Variants in APOC1 observed in about 807,000 individuals in gnomAD.
APOC1 encodes apolipoprotein C1.
A neutral mutation model predicts 6.7 loss-of-function variants in APOC1; 4 were observed. That is an observed-to-expected ratio of 0.60 (90% CI 0.29 to 1.37). APOC1 has a LOEUF of 1.37. Among genes scored for constraint, APOC1 ranks in the 40% most tolerant of loss-of-function variants. The pLI, the probability that APOC1 is intolerant of heterozygous loss-of-function variation, is 0.09. For synonymous variants in APOC1, 33 were observed against 40.6 expected (o/e 0.81, Z 0.72); for missense variants, 122 against 99.4 (o/e 1.23, Z -0.97).
At chr19:44,918,911 G>C (rs1426378731) in intron 3 of APOC1, 3 of 482,544 alleles carry the variant, frequency 6.2e-6, no homozygotes, top group Admixed American at 3.7e-5. Context: ...AGCCTACCTC[G>C]GCCTCCCAAA....
intron 3 of APOC1, among the ~76,000 whole-genome samples, chr19:44,917,435 G>C (rs1970028826): frequency 6.6e-6 from 1 of 151,678 alleles, no homozygotes; most frequent in Admixed American, 6.6e-5. Flanking sequence ...AAAATTAGCT[G>C]GGCATGGTGG....
In APOC1 at chr19:44,916,373, T is replaced by G. The variant is rs761770416; in HGVS notation, c.194+48T>G. ...GGGAGAGCTGGGGTGTGTTTTTGGGTGGAGCCCTGGCAGATGGTCCAAGAT... is the reference window on the plus strand; with the variant it reads ...GGGAGAGCTGGGGTGTGTTTTTGGGGGGAGCCCTGGCAGATGGTCCAAGAT... On this transcript the variant is annotated intron_variant, in intron 3 of 3. Coordinates refer to ENST00000592535, the MANE Select transcript of APOC1 (RefSeq NM_001645.5). 1.9e-6 allele frequency: 3 copies of G among 1,607,390 alleles called. No homozygotes were observed. The South Asian group carries it at 3.3e-5, about 18-fold the overall frequency.
rs759317357 is a variant in APOC1 at position 44,919,259 on chromosome 19, G to A, written c.*29G>A. On this transcript the variant is annotated 3_prime_UTR_variant, in exon 4 of 4. Transcript: ENST00000592535. Reference sequence around the variant, plus strand: ...CCTGAAGGGTGACATCCCAGGAGGGGCCTCTGAAATTTCCCACACCCCAGC... The same window carrying A: ...CCTGAAGGGTGACATCCCAGGAGGGACCTCTGAAATTTCCCACACCCCAGC... 2.2e-5 allele frequency: 35 copies of A among 1,608,484 alleles called. No individual in the cohort carries two copies. In the African/African-American group the frequency reaches 2.4e-4, roughly 11 times the overall value.
intron 2 of APOC1, among the ~76,000 whole-genome samples, chr19:44,915,841 C>T (rs988885601): frequency 1.4e-4 from 21 of 151,990 alleles, no homozygotes; most frequent in Non-Finnish European, 2.9e-4. Flanking sequence ...TGGAGGCACG[C>T]GCCTGTAGGC....
chr19:44,916,468 A>C, intron 3 of APOC1, 143 bp downstream of exon 3: 603 of 1,064,420 alleles, frequency 5.7e-4, no homozygotes, highest in Non-Finnish European at 7.4e-4. Context: ...GCTAGATCTC[A>C]AGGTGCTCAG....
Position 44,916,417 on chromosome 19 carries a change from A to AG in APOC1, c.194+92_194+93insG, listed in dbSNP as rs1481030445. ...CCAAGATGAACAGATTGAAAAAAAA[A>AG]CAAGTCCTGGAGAGGCTGACAACAT... On this transcript the variant is annotated intron_variant, in intron 3 of 3. Coordinates refer to ENST00000592535, the MANE Select transcript of APOC1 (RefSeq NM_001645.5). 5 of 1,551,616 alleles carry AG rather than the reference A, an allele frequency of 3.2e-6. No individual in the cohort carries two copies. In the East Asian group the frequency reaches 9.1e-5, roughly 28 times the overall value.
At chr19:44,915,695 G>A (rs1213339158) in intron 2 of APOC1, among the ~76,000 whole-genome samples, 11 of 151,606 alleles carry the variant, frequency 7.3e-5, no homozygotes, top group African/African-American at 2.7e-4. Flanking sequence ...GGCCGGGCAG[G>A]GTGGCTCATG....
rs1969975881 is a variant in APOC1, at chr19:44,914,900, C to A, written c.9C>A (p.Leu3=). Residue 3 remains leucine, a synonymous_variant, in exon 2 of 4, where the codon CTC becomes CTA. Coordinates refer to ENST00000592535, the MANE Select transcript of APOC1 (RefSeq NM_001645.5). MR[L]FLSLPVLVVV... The stretch of plus-strand genomic sequence containing the variant: ...GCCCCTCCGGCCTCGCCATGAGGCT[C>A]TTCCTGTCGCTCCCGGTCCTGGTGG... 6.2e-7 allele frequency: 1 copy of A among 1,613,708 alleles called. No individual in the cohort carries two copies. The highest frequency in any genetic ancestry group is 1.3e-5 in the African/African-American group (1 of 74,914).
At chr19:44,918,025 C>G (rs896515887) in intron 3 of APOC1, among the ~76,000 whole-genome samples, 1 of 151,844 alleles carries the variant, frequency 6.6e-6, no homozygotes, top group Non-Finnish European at 1.5e-5. Context: ...AATCCCAGCA[C>G]TGTGGGAGGC....
At position 44,914,938 on chromosome 19, in the gene APOC1, T is replaced by C; in HGVS notation, c.47T>C (p.Ile16Thr). Residue 16 changes from isoleucine to threonine, a missense_variant, in exon 2 of 4, where the codon ATC (isoleucine) becomes ACC (threonine). By Grantham distance (89) the Ile-to-Thr change is moderately conservative. Coordinates refer to ENST00000592535, the MANE Select transcript of APOC1 (RefSeq NM_001645.5). ...CCGGTCCTGGTGGTGGTTCTGTCGA[T>C]CGTCTTGGAAGGTAAAAGTGGGATG... ...SLPVLVVVLS[I>T]VLEGPAPAQG... 1.9e-6 allele frequency: 3 copies of C among 1,613,318 alleles called. No individual in the cohort carries two copies. The South Asian group carries it at 3.3e-5, about 18-fold the overall frequency.
chr19:44,915,129 A>C (rs545184380), intron 2 of APOC1, 180 bp downstream of exon 2: 2 of 643,110 alleles, frequency 3.1e-6, no homozygotes, highest in Non-Finnish European at 5.5e-6. Flanking sequence ...CAGGCGCCAA[A>C]TCTGCGCAGG....
At chr19:44,917,103 AG>A (rs1391051156) in intron 3 of APOC1, among the ~76,000 whole-genome samples, 1 of 152,146 alleles carries the variant, frequency 6.6e-6, no homozygotes, top group Non-Finnish European at 1.5e-5. Context: ...TGTGAGCCTC[AG>A]TTTCCTCTCC....
chr19:44,916,942 C>T (rs899693351), intron 3 of APOC1, among the ~76,000 whole-genome samples: 4 of 149,168 alleles, frequency 2.7e-5, no homozygotes, highest in African/African-American at 9.9e-5. Context: ...CCAGCCTGAC[C>T]AACATGGCGA....
At chr19:44,917,542 C>T (rs1970030704) in intron 3 of APOC1, among the ~76,000 whole-genome samples, 1 of 149,220 alleles carries the variant, frequency 6.7e-6, no homozygotes, top group Admixed American at 6.7e-5. Context: ...TGTGCCACTG[C>T]ATTCCAGCCT....
intron 2 of APOC1, among the ~76,000 whole-genome samples, chr19:44,915,638 A>G (rs1335763063): frequency 1.3e-5 from 2 of 150,172 alleles, no homozygotes; most frequent in Admixed American, 6.6e-5. Flanking sequence ...AAGGATCTCT[A>G]TCCATCCCGG....
chr19:44,915,257 G>A, intron 2 of APOC1: 1 of 376,288 alleles, frequency 2.7e-6, no homozygotes, highest in Non-Finnish European at 5.0e-6. Flanking sequence ...TCAGTGCTGA[G>A]TAAGGCAATT....
rs1970058414 is a variant in APOC1 at position 44,919,168 on chromosome 19, C to T, written c.195-5C>T. ...AGTGACCCCCTTCCTTATTCCTCCC[C>T]ACAGGGAGTGGTTTTCAGAGACATT... On this transcript the variant is annotated splice_polypyrimidine_tract_variant and splice_region_variant and intron_variant, in intron 3 of 3. Transcript: ENST00000592535. 6.2e-7 allele frequency: 1 copy of T among 1,613,510 alleles called. No homozygotes were observed. The highest frequency in any genetic ancestry group is 1.3e-5 in the African/African-American group (1 of 75,034).
chr19:44,916,390 G>A (rs1324122603), intron 3 of APOC1, 65 bp downstream of exon 3: 1 of 1,596,362 alleles, frequency 6.3e-7, no homozygotes, highest in Non-Finnish European at 8.5e-7. Context: ...CTGGCAGATG[G>A]TCCAAGATGA....
In APOC1 at chr19:44,916,253, G is replaced by A; in HGVS notation, c.122G>A (p.Gly41Glu). The A allele has an allele frequency of 6.2e-7, 1 of 1,613,900 alleles. No homozygotes were observed. Among genetic ancestry groups the A allele is most frequent in the Non-Finnish European group, 8.5e-7 (1 of 1,179,988 alleles). The change falls in exon 3 of 4, where the codon GGA becomes GAA. Residue 41 changes from glycine to glutamate, a missense_variant. Physicochemically the swap from Gly to Glu is moderately conservative, Grantham distance 98. Transcript: ENST00000592535. ...GCCTTGGATAAGCTGAAGGAGTTTG[G>A]AAACACACTGGAGGACAAGGCTCGG... ...SSALDKLKEF[G>E]NTLEDKAREL...
Sources: gnomAD v4.1 joint callset for allele counts (sites outside exome capture counted in the v4.1 genomes callset) on GRCh38, gnomAD v4.1.1 for gene constraint, MANE v1.5 for transcripts, NCBI Gene and HGNC (gene_info 2026-07-23, HGNC 2026-07-21) for gene names.